Variants in PM20D2 observed in about 807,000 individuals in gnomAD.
PM20D2 encodes peptidase M20 domain containing 2.
A neutral mutation model predicts 42.9 loss-of-function variants in PM20D2; 33 were observed. The observed-to-expected ratio is 0.77, with a 90% CI of 0.58 to 1.03. PM20D2 has a LOEUF of 1.03. Ranked by LOEUF, PM20D2 falls within the 50% of genes least tolerant of loss-of-function variation. The pLI, the probability that PM20D2 is intolerant of heterozygous loss-of-function variation, is 0.00. For synonymous variants in PM20D2, 250 were observed against 228.2 expected (o/e 1.10, Z -0.86); for missense variants, 548 against 557.0 (o/e 0.98, Z 0.16).
chr6:89,105,220 A>T, the PM20D2 span: 3 of 1,611,892 alleles, frequency 1.9e-6, no homozygotes, highest in Non-Finnish European at 1.7e-6. Flanking sequence ...GATCACTTGG[A>T]GAACAAGGAT....
chr6:89,152,821 C>T (rs1315896759), intron 2 of PM20D2, among the ~76,000 whole-genome samples: 1 of 151,354 alleles, frequency 6.6e-6, no homozygotes, highest in African/African-American at 2.4e-5. Flanking sequence ...CTTTTTCTCT[C>T]TTTTTTGGGA....
the PM20D2 span, among the ~76,000 whole-genome samples, chr6:89,094,012 C>T: frequency 7.0e-6 from 1 of 143,174 alleles, no homozygotes; most frequent in Non-Finnish European, 1.5e-5. Context: ...CCTCTGCCTC[C>T]CAAGTTCAAG....
At chr6:89,149,056 C>G (rs1019319762) in intron 1 of PM20D2, among the ~76,000 whole-genome samples, 20 of 152,132 alleles carry the variant, frequency 1.3e-4, no homozygotes, top group Admixed American at 1.1e-3. Flanking sequence ...TTAGTACATA[C>G]TTTGCACCAA....
chr6:89,151,415 A>G (rs540822924), intron 2 of PM20D2, among the ~76,000 whole-genome samples: 1 of 152,124 alleles, frequency 6.6e-6, no homozygotes, highest in South Asian at 2.1e-4. Flanking sequence ...TTTTTAGTAG[A>G]GACAGGGTCA....
upstream of PM20D2, chr6:89,146,021 A>C: frequency 1.2e-6 from 1 of 822,310 alleles, no homozygotes; most frequent in Non-Finnish European, 1.7e-6. Flanking sequence ...GTGCCCTGGG[A>C]GCTGTGTGGC....
At chr6:89,097,097 T>C in the PM20D2 span, 2 of 152,192 alleles carry the variant, frequency 1.3e-5, no homozygotes, top group East Asian at 1.9e-4. Context: ...TTCTTACATA[T>C]GGGATCTAAT....
At chr6:89,160,209 G>T (rs939785615) in intron 5 of PM20D2, among the ~76,000 whole-genome samples, 1 of 152,128 alleles carries the variant, frequency 6.6e-6, no homozygotes, top group Non-Finnish European at 1.5e-5. Context: ...TAAGTGCTTA[G>T]TGAATATTTT....
Position 89,146,210 on chromosome 6 carries a change from A to C in PM20D2, c.66A>C (p.Leu22=). ...GACNGRSELE[L]LKLRSAECID... ...GCAATGGCCGCTCCGAGCTGGAGCT[A>C]CTGAAGCTGCGCTCGGCGGAGTGCA... Residue 22 remains leucine (L), a synonymous_variant, in exon 1 of 7, where the codon CTA becomes CTC. Coordinates refer to ENST00000275072, the MANE Select transcript of PM20D2 (RefSeq NM_001010853.3). 1 of 1,568,022 alleles carries C rather than the reference A, an allele frequency of 6.4e-7. No individual in the cohort carries two copies. Among genetic ancestry groups the C allele is most frequent in the Non-Finnish European group, 8.6e-7 (1 of 1,165,358 alleles).
the PM20D2 span, among the ~76,000 whole-genome samples, chr6:89,108,470 A>T: frequency 0.063 from 9,547 of 152,258 alleles, 868 homozygotes; most frequent in African/African-American, 0.2. Context: ...CAAAGCTAGA[A>T]ATCAAATTTT....
the PM20D2 span, among the ~76,000 whole-genome samples, chr6:89,108,434 T>A: frequency 1.3e-5 from 2 of 152,172 alleles, no homozygotes; most frequent in African/African-American, 4.8e-5. Context: ...GAGTAACCTA[T>A]CTAAGCTCAC....
chr6:89,109,270 C>G, the PM20D2 span, among the ~76,000 whole-genome samples: 3 of 152,220 alleles, frequency 2.0e-5, no homozygotes, highest in Non-Finnish European at 4.4e-5. Flanking sequence ...CAGGACTTCA[C>G]AGGCAATTCT....
chr6:89,154,749 T>C lies in PM20D2; in HGVS notation c.759T>C (p.Gly253=), dbSNP rs768919978. Residue 253 remains glycine, a splice_region_variant and synonymous_variant, in exon 4 of 7, where the codon GGT becomes GGC. Coordinates refer to ENST00000275072, the MANE Select transcript of PM20D2 (RefSeq NM_001010853.3). ...QQMKPTWRVH[G]IIKNGGVKPN... is the part of the protein sequence containing the mutation. ...CTAGTAATTTGGTTCTTTTTATAGG[T>C]ATAATAAAAAATGGTGGTGTAAAAC... is the stretch of plus-strand genomic sequence containing the variant. The C allele has an allele frequency of 6.6e-7, 1 of 1,525,518 alleles. No individual in the cohort carries two copies. The highest frequency in any genetic ancestry group is 1.3e-5 in the South Asian group (1 of 78,398). 94.5% of individuals were successfully genotyped at this position (1,525,518 alleles called of 1,614,324 possible).
chr6:89,147,786 G>A (rs941593894), intron 1 of PM20D2, among the ~76,000 whole-genome samples: 3 of 150,502 alleles, frequency 2.0e-5, no homozygotes, highest in African/African-American at 7.3e-5. Context: ...CCAGCTACTC[G>A]GGAGGCTGAG....
the PM20D2 span, chr6:89,099,036 A>C: frequency 7.1e-7 from 1 of 1,414,392 alleles, no homozygotes; most frequent in Non-Finnish European, 9.4e-7. Context: ...TACTTTACAT[A>C]ACATTAGTTA....
chr6:89,149,499 C>A, intron 2 of PM20D2, 86 bp downstream of exon 2: 2 of 1,434,670 alleles, frequency 1.4e-6, no homozygotes, highest in South Asian at 1.3e-5. Context: ...GAAAACTCCA[C>A]ATTTGTATAT....
intron 3 of PM20D2, 111 bp from the exon 4 acceptor site, chr6:89,154,637 G>A: frequency 1.3e-6 from 1 of 769,310 alleles, no homozygotes; most frequent in Non-Finnish European, 2.0e-6. Flanking sequence ...GAGCTAGTGA[G>A]TTTAAATTAT....
chr6:89,099,534 A>G, the PM20D2 span, among the ~76,000 whole-genome samples: 1 of 109,800 alleles, frequency 9.1e-6, no homozygotes, highest in Admixed American at 1.1e-4. Context: ...ACACACACAT[A>G]CATGTTTTTT....
the PM20D2 span, among the ~76,000 whole-genome samples, chr6:89,095,572 A>G: frequency 6.6e-6 from 1 of 152,244 alleles, no homozygotes; most frequent in Non-Finnish European, 1.5e-5. Flanking sequence ...TGGGATCAAA[A>G]TAAATGCAGC....
the PM20D2 span, among the ~76,000 whole-genome samples, chr6:89,121,976 T>A: frequency 6.6e-6 from 1 of 152,242 alleles, no homozygotes; most frequent in East Asian, 1.9e-4. Flanking sequence ...AATCACGGTT[T>A]TATAAAGTGT....
Sources: allele counts gnomAD v4.1 joint callset (sites outside exome capture counted in the v4.1 genomes callset), GRCh38; gene constraint gnomAD v4.1.1; transcripts MANE v1.5; gene names NCBI Gene and HGNC (gene_info 2026-07-23, HGNC 2026-07-21).